The following FSTL5 variants were observed in gnomAD, a reference collection of about 807,000 sequenced individuals.
FSTL5 encodes the protein follistatin like 5.
A neutral mutation model predicts 89.1 loss-of-function variants in FSTL5; 62 were observed. The observed-to-expected ratio is 0.70, with a 90% confidence interval of 0.57 to 0.86. FSTL5 has a LOEUF of 0.86. FSTL5 is among the 40% of genes least tolerant of loss of function. FSTL5 has a pLI of 0.00. For missense variants in FSTL5, 1,057 were observed against 1,001.6 expected, an observed-to-expected ratio of 1.06 and a Z score of -0.75; for synonymous variants, 383 against 346.2, an observed-to-expected ratio of 1.11 and a Z score of -1.18.
At position 161,439,717 on chromosome 4, in the gene FSTL5, A is replaced by AACAC. The variant is rs35746681; in HGVS notation, c.1841+15283_1841+15286dup. Among the ~76,000 whole-genome samples, 421 of 150,998 alleles carry AACAC rather than the reference A, an allele frequency of 2.8e-3. 4 individuals carry two copies. Among genetic ancestry groups the AACAC allele is most frequent in the African/African-American group, 9.1e-3 (376 of 41,180 alleles). On this transcript the variant is annotated intron_variant, in intron 15 of 15. Coordinates refer to ENST00000306100, the MANE Select transcript of FSTL5 (RefSeq NM_020116.5). ...TGCTTAAGATGAGCCCTGATTATTT[A>AACAC]ACACACACACACACACCCCACACGC...
At chr4:161,881,527 A>G (rs1732629990) in intron 4 of FSTL5, among the ~76,000 whole-genome samples, 1 of 152,084 alleles carries the variant, frequency 6.6e-6, no homozygotes, top group South Asian at 2.1e-4. Flanking sequence ...TCATGGTTTA[A>G]TGCTGATTTT....
intron 7 of FSTL5, among the ~76,000 whole-genome samples, chr4:161,620,246 G>A (rs1296227096): frequency 6.6e-6 from 1 of 150,854 alleles, no homozygotes; most frequent in Non-Finnish European, 1.5e-5. Flanking sequence ...GCTAAATGAC[G>A]AGTTAATGGG....
intron 8 of FSTL5, among the ~76,000 whole-genome samples, chr4:161,578,395 C>G (rs115705811): frequency 6.6e-6 from 1 of 151,476 alleles, no homozygotes; most frequent in Non-Finnish European, 1.5e-5. Context: ...AAAGTCAGAG[C>G]ATAAAAACTA....
chr4:161,960,857 A>T (rs1325557885), intron 3 of FSTL5, among the ~76,000 whole-genome samples: 1 of 152,092 alleles, frequency 6.6e-6, no homozygotes, highest in African/African-American at 2.4e-5. Flanking sequence ...AATAGGAAAA[A>T]TAAACTAACA....
At chr4:161,545,831 A>C (rs1731987135) in intron 8 of FSTL5, among the ~76,000 whole-genome samples, 1 of 151,960 alleles carries the variant, frequency 6.6e-6, no homozygotes, top group African/African-American at 2.4e-5. Context: ...AATTTGGAAA[A>C]TGGTTGATGA....
At chr4:161,617,103 T>C (rs949087309) in intron 7 of FSTL5, among the ~76,000 whole-genome samples, 1 of 151,508 alleles carries the variant, frequency 6.6e-6, no homozygotes, top group Non-Finnish European at 1.5e-5. Flanking sequence ...GGAAATATAG[T>C]CATAAAGAAC....
chr4:161,820,611 C>T (rs1049132082), intron 4 of FSTL5, among the ~76,000 whole-genome samples: 9 of 152,002 alleles, frequency 5.9e-5, no homozygotes, highest in Non-Finnish European at 1.2e-4. Flanking sequence ...AGTAGTGATG[C>T]GTGAAAATTG....
At chr4:161,896,897 A>G (rs1411135446) in intron 4 of FSTL5, among the ~76,000 whole-genome samples, 1 of 152,104 alleles carries the variant, frequency 6.6e-6, no homozygotes, top group Non-Finnish European at 1.5e-5. Context: ...AGGTGACTAA[A>G]GATACCATTG....
chr4:162,043,755 C>A (rs539181467), intron 2 of FSTL5, among the ~76,000 whole-genome samples: 1 of 152,090 alleles, frequency 6.6e-6, no homozygotes, highest in Admixed American at 6.6e-5. Flanking sequence ...TATTCTAAAC[C>A]CTTTGTTGTC....
intron 4 of FSTL5, among the ~76,000 whole-genome samples, chr4:161,815,495 T>A (rs1342243311): frequency 6.6e-6 from 1 of 152,098 alleles, no homozygotes; most frequent in Non-Finnish European, 1.5e-5. Context: ...TTGTCTAGAA[T>A]CTTCACTCTG....
At chr4:161,841,764 G>A (rs537720095) in intron 4 of FSTL5, among the ~76,000 whole-genome samples, 41 of 152,290 alleles carry the variant, frequency 2.7e-4, no homozygotes, top group African/African-American at 9.4e-4. Context: ...CCATGTAGTA[G>A]TTGCATGGTG....
At chr4:161,956,308 TAAAAG>T (rs1411818127) in intron 3 of FSTL5, among the ~76,000 whole-genome samples, 1 of 151,496 alleles carries the variant, frequency 6.6e-6, no homozygotes, top group Non-Finnish European at 1.5e-5. Flanking sequence ...TAAGAATAAA[TAAAAG>T]AAAATATATA....
At chr4:161,796,237 C>A (rs757104942) in intron 4 of FSTL5, among the ~76,000 whole-genome samples, 1 of 151,772 alleles carries the variant, frequency 6.6e-6, no homozygotes, top group Non-Finnish European at 1.5e-5. Context: ...CTCCTTTTAA[C>A]TTAGTCGAAA....
chr4:162,095,582 G>C (rs1170500370), intron 2 of FSTL5, among the ~76,000 whole-genome samples: 1 of 151,986 alleles, frequency 6.6e-6, no homozygotes, highest in Non-Finnish European at 1.5e-5. Context: ...GTTTTTCAAA[G>C]AGAGGAACAC....
At chr4:162,085,025 G>C (rs1176949450) in intron 2 of FSTL5, among the ~76,000 whole-genome samples, 1 of 151,958 alleles carries the variant, frequency 6.6e-6, no homozygotes, top group East Asian at 1.9e-4. Flanking sequence ...CACATTGCCA[G>C]TATAGGGACG....
intron 3 of FSTL5, among the ~76,000 whole-genome samples, chr4:161,940,164 A>T (rs1395771506): frequency 1.3e-5 from 2 of 151,820 alleles, no homozygotes; most frequent in African/African-American, 4.8e-5. Flanking sequence ...TATTTTCAGG[A>T]TTTTAAAAGC....
At chr4:161,556,862 A>ATATATATATATATAT (rs1182255819) in intron 8 of FSTL5, among the ~76,000 whole-genome samples, 6 of 149,756 alleles carry the variant, frequency 4.0e-5, no homozygotes, top group Non-Finnish European at 7.5e-5. Flanking sequence ...ATATATATAT[A>ATATATATATATATAT]ATCCTGGATT....
chr4:161,592,016 G>A (rs1264531145), intron 7 of FSTL5, among the ~76,000 whole-genome samples: 1 of 152,044 alleles, frequency 6.6e-6, no homozygotes, highest in African/African-American at 2.4e-5. Context: ...GATAAAGACA[G>A]GAAAAGGGAA....
chr4:161,775,854 T>C, intron 5 of FSTL5, 24 bp downstream of exon 5: 1 of 1,227,652 alleles, frequency 8.1e-7, no homozygotes, highest in South Asian at 1.8e-5. Flanking sequence ...TCAGTAAGTT[T>C]GTTAATATAG....
Sources: gnomAD v4.1 joint callset for allele counts (sites outside exome capture counted in the v4.1 genomes callset) on GRCh38, gnomAD v4.1.1 for gene constraint, MANE v1.5 for transcripts, NCBI Gene and HGNC (gene_info 2026-07-23, HGNC 2026-07-21) for gene names.